EIF3H: variants seen among roughly 807,000 people sequenced by gnomAD.
EIF3H encodes the protein eukaryotic translation initiation factor 3 subunit H.
A neutral mutation model predicts 44.2 loss-of-function variants in EIF3H; 26 were observed. That is an observed-to-expected ratio of 0.59 (90% confidence interval 0.43 to 0.82). The LOEUF is 0.82. Among genes scored for constraint, EIF3H ranks in the 40% least tolerant of loss-of-function variants. The pLI is 0.00. For synonymous variants in EIF3H, 166 were observed against 151.9 expected (o/e 1.09, Z -0.68); for missense variants, 359 against 432.8 (o/e 0.83, Z 1.51).
At chr8:116,683,167 T>C (rs151325593) in intron 2 of EIF3H, among the ~76,000 whole-genome samples, 311 of 152,342 alleles carry the variant, frequency 2.0e-3, no homozygotes, top group Non-Finnish European at 3.1e-3. Context: ...TAGATAGAGA[T>C]CAGGCTGCTT....
intron 2 of EIF3H, among the ~76,000 whole-genome samples, chr8:116,720,245 AT>A (rs1016487004): frequency 3.9e-5 from 6 of 152,200 alleles, no homozygotes; most frequent in African/African-American, 1.2e-4. Flanking sequence ...TAAATTTAAA[AT>A]TTTTTTAAAT....
intron 2 of EIF3H, among the ~76,000 whole-genome samples, chr8:116,687,251 G>A (rs1284294436): frequency 6.6e-6 from 1 of 152,130 alleles, no homozygotes; most frequent in Non-Finnish European, 1.5e-5. Flanking sequence ...AGGGGCTCAT[G>A]GAAAAGTGCA....
rs985978130 is a variant in EIF3H at position 116,643,678 on chromosome 8, G to A, written c.*1328C>T. On this transcript the variant is annotated 3_prime_UTR_variant, in exon 8 of 8. Transcript: ENST00000521861. Reference sequence around the variant, plus strand: ...AGGGAGGTTAAATAACTTAGGAAAAGGAGGAGCCAGGTTTCAATCTGGCTG... The same window carrying A: ...AGGGAGGTTAAATAACTTAGGAAAAAGAGGAGCCAGGTTTCAATCTGGCTG... 1 of 152,220 alleles carries A rather than the reference G, an allele frequency of 6.6e-6. No homozygotes were observed. The highest frequency in any genetic ancestry group is 6.5e-5 in the Admixed American group (1 of 15,284). 9.4% of individuals were successfully genotyped at this position (152,220 alleles called of 1,614,324 possible).
intron 2 of EIF3H, among the ~76,000 whole-genome samples, chr8:116,697,450 G>A (rs1160447212): frequency 6.6e-6 from 1 of 152,040 alleles, no homozygotes; most frequent in Non-Finnish European, 1.5e-5. Flanking sequence ...TTAATGACTG[G>A]GAACAAAGAA....
At chr8:116,755,914 A>G (rs749775060), upstream of EIF3H, 51 of 1,546,318 alleles carry the variant, frequency 3.3e-5, no homozygotes, top group Non-Finnish European at 4.2e-5. Context: ...GGAGAAGCCA[A>G]AATTGGGCCC....
At chr8:116,706,201 T>A (rs1179717265) in intron 2 of EIF3H, among the ~76,000 whole-genome samples, 1 of 152,210 alleles carries the variant, frequency 6.6e-6, no homozygotes, top group African/African-American at 2.4e-5. Flanking sequence ...CTTTTAGTAG[T>A]CTCTTACAGT....
At chr8:116,715,415 G>A (rs1814646399) in intron 2 of EIF3H, among the ~76,000 whole-genome samples, 1 of 151,740 alleles carries the variant, frequency 6.6e-6, no homozygotes. Context: ...AATTATACAT[G>A]GTGCACACAT....
At chr8:116,749,591 A>G (rs1018475797) in intron 1 of EIF3H, among the ~76,000 whole-genome samples, 1 of 152,222 alleles carries the variant, frequency 6.6e-6, no homozygotes, top group Non-Finnish European at 1.5e-5. Flanking sequence ...TTGTCTAGGA[A>G]CAATGAGACC....
At chr8:116,675,826 T>TCC (rs1177220694) in intron 2 of EIF3H, among the ~76,000 whole-genome samples, 1 of 152,190 alleles carries the variant, frequency 6.6e-6, no homozygotes, top group South Asian at 2.1e-4. Flanking sequence ...CAACTTACTA[T>TCC]CCTTTATGGT....
intron 1 of EIF3H, among the ~76,000 whole-genome samples, chr8:116,741,118 A>G (rs1254509317): frequency 2.0e-5 from 3 of 151,988 alleles, no homozygotes; most frequent in Non-Finnish European, 2.9e-5. Context: ...TTTTTTTAGA[A>G]TTGTCATATT....
At chr8:116,699,011 T>C (rs1335966473) in intron 2 of EIF3H, among the ~76,000 whole-genome samples, 2 of 152,022 alleles carry the variant, frequency 1.3e-5, no homozygotes, top group African/African-American at 4.8e-5. Context: ...TAGCTGGGCG[T>C]AGTGGCATGT....
intron 1 of EIF3H, among the ~76,000 whole-genome samples, chr8:116,746,370 T>C (rs1446402884): frequency 6.6e-6 from 1 of 152,240 alleles, no homozygotes; most frequent in Non-Finnish European, 1.5e-5. Context: ...CGTCTCCCCA[T>C]TGATAAAATA....
intron 6 of EIF3H, 131 bp from the exon 7 acceptor site, chr8:116,646,734 A>G: frequency 7.8e-7 from 1 of 1,280,998 alleles, no homozygotes; most frequent in South Asian, 1.4e-5. Context: ...CATTGGCAAC[A>G]TTTGGTAACT....
intron 5 of EIF3H, among the ~76,000 whole-genome samples, chr8:116,653,724 G>A (rs540534716): frequency 8.5e-5 from 13 of 152,196 alleles, no homozygotes; most frequent in African/African-American, 1.9e-4. Context: ...AAAGCTGAAC[G>A]CCTGTGATAC....
chr8:116,683,760 G>A (rs1378599699), intron 2 of EIF3H, among the ~76,000 whole-genome samples: 1 of 152,096 alleles, frequency 6.6e-6, no homozygotes, highest in African/African-American at 2.4e-5. Flanking sequence ...AACAATCTCT[G>A]GTTACGAAGA....
chr8:116,659,975 C>T (rs923245342), intron 2 of EIF3H, among the ~76,000 whole-genome samples: 1 of 152,130 alleles, frequency 6.6e-6, no homozygotes, highest in Non-Finnish European at 1.5e-5. Context: ...CAACCTCTGC[C>T]TCCCGGGCTC....
chr8:116,669,152 GA>G (rs1813713102), intron 2 of EIF3H, among the ~76,000 whole-genome samples: 2 of 151,954 alleles, frequency 1.3e-5, no homozygotes, highest in Non-Finnish European at 2.9e-5. Flanking sequence ...AATCTACCAT[GA>G]GAAAAAAATA....
intron 1 of EIF3H, among the ~76,000 whole-genome samples, chr8:116,742,266 T>C (rs1475371676): frequency 6.6e-6 from 1 of 152,134 alleles, no homozygotes; most frequent in Non-Finnish European, 1.5e-5. Context: ...AACTAATAAT[T>C]GTTGGGAAAA....
At chr8:116,680,067 G>C (rs1434886646) in intron 2 of EIF3H, among the ~76,000 whole-genome samples, 1 of 40,878 alleles carries the variant, frequency 2.4e-5, no homozygotes, top group Non-Finnish European at 6.6e-5. Context: ...CCCTGTCCAG[G>C]AGGGAGGTGG....
Sources: gnomAD v4.1 joint callset for allele counts (sites outside exome capture counted in the v4.1 genomes callset) on GRCh38, gnomAD v4.1.1 for gene constraint, MANE v1.5 for transcripts, NCBI Gene and HGNC (gene_info 2026-07-23, HGNC 2026-07-21) for gene names.